Variants in FTO observed in about 807,000 individuals in gnomAD.
FTO encodes FTO alpha-ketoglutarate dependent dioxygenase, also known as alpha-ketoglutarate-dependent dioxygenase FTO.
A neutral mutation model predicts 63.9 loss-of-function variants in FTO; 47 were observed. The observed-to-expected ratio is 0.74, with a 90% CI of 0.58 to 0.94. The LOEUF (loss-of-function observed/expected upper bound fraction) is 0.94. Among genes scored for constraint, FTO ranks in the 40% least tolerant of loss-of-function variants. FTO has a pLI of 0.00. For missense variants in FTO, 562 were observed against 618.1 expected, an observed-to-expected ratio of 0.91 and a Z score of 0.96; for synonymous variants, 207 against 224.4, an observed-to-expected ratio of 0.92 and a Z score of 0.69.
At chr16:53,915,250 G>A (rs1203993967) in intron 7 of FTO, among the ~76,000 whole-genome samples, 1 of 152,148 alleles carries the variant, frequency 6.6e-6, no homozygotes, top group Non-Finnish European at 1.5e-5. Context: ...TCTCTGAAGT[G>A]ATCCCTTCTT....
chr16:54,032,017 G>A (rs2084843594), intron 8 of FTO, among the ~76,000 whole-genome samples: 3 of 152,106 alleles, frequency 2.0e-5, no homozygotes, highest in African/African-American at 4.8e-5. Context: ...ACCAATATAT[G>A]GGAGGCATCA....
At position 54,085,999 on chromosome 16, in the gene FTO, C is replaced by T. The variant is rs541739991; in HGVS notation, c.1365-25763C>T. On this transcript the variant is annotated intron_variant, in intron 8 of 8. Coordinates refer to ENST00000471389, the MANE Select transcript of FTO (RefSeq NM_001080432.3). ...CAGTTATATTCCCCAGTACCAAGAACGCAGGAGGACTACTTTAATCCCCTT... is the reference window on the plus strand; with the variant it reads ...CAGTTATATTCCCCAGTACCAAGAATGCAGGAGGACTACTTTAATCCCCTT... Among the ~76,000 whole-genome samples the T allele has an allele frequency of 4.6e-5, 7 of 152,264 alleles. No individual in the cohort carries two copies. The South Asian group carries it at 6.2e-4, about 14-fold the overall frequency.
At chr16:53,973,433 C>G (rs1428470021) in intron 8 of FTO, among the ~76,000 whole-genome samples, 2 of 152,216 alleles carry the variant, frequency 1.3e-5, no homozygotes, top group African/African-American at 4.8e-5. Context: ...GGTGAAGTCA[C>G]AGACTTAATT....
intron 6 of FTO, among the ~76,000 whole-genome samples, chr16:53,881,502 C>A (rs73607667): frequency 6.6e-6 from 1 of 152,256 alleles, no homozygotes; most frequent in East Asian, 1.9e-4. Flanking sequence ...TCACAAGACA[C>A]GCAGAAGCAC....
intron 8 of FTO, among the ~76,000 whole-genome samples, chr16:54,049,826 T>C (rs1391235661): frequency 2.0e-5 from 3 of 152,194 alleles, no homozygotes; most frequent in African/African-American, 7.2e-5. Context: ...ATCCAAGATA[T>C]GGGTGTTTTC....
At chr16:53,914,033 G>A (rs954225248) in intron 7 of FTO, among the ~76,000 whole-genome samples, 3 of 150,646 alleles carry the variant, frequency 2.0e-5, no homozygotes, top group Admixed American at 6.6e-5. Flanking sequence ...ACAGTCCCTC[G>A]GCCTTCTCGC....
chr16:53,990,969 CTG>C (rs2083797038), intron 8 of FTO: 1 of 152,142 alleles, frequency 6.6e-6, no homozygotes, highest in South Asian at 2.1e-4. Context: ...TTTCTAATGA[CTG>C]AGTATAGGTT....
At chr16:53,740,991 A>T (rs8052000) in intron 1 of FTO, among the ~76,000 whole-genome samples, 46,023 of 151,860 alleles carry the variant, frequency 0.3, 8,472 homozygotes, top group African/African-American at 0.52. Flanking sequence ...CTTGTTTTTT[A>T]ATCGACCTTG....
intron 8 of FTO, among the ~76,000 whole-genome samples, chr16:54,104,989 A>G (rs1387077752): frequency 1.3e-5 from 2 of 152,356 alleles, no homozygotes; most frequent in African/African-American, 4.8e-5. Flanking sequence ...TTTATATGGT[A>G]GTTTACATAT....
At chr16:53,997,423 T>A (rs1212952119) in intron 8 of FTO, among the ~76,000 whole-genome samples, 17 of 152,028 alleles carry the variant, frequency 1.1e-4, no homozygotes, top group African/African-American at 4.1e-4. Flanking sequence ...TGGGGTACTA[T>A]CGGAGATCAG....
intron 7 of FTO, among the ~76,000 whole-genome samples, chr16:53,906,980 C>T (rs1215623018): frequency 6.6e-6 from 1 of 152,168 alleles, no homozygotes; most frequent in Non-Finnish European, 1.5e-5. Context: ...TACCAGCCTT[C>T]CTCTGGGCTA....
At position 53,950,155 on chromosome 16, in the gene FTO, T is replaced by TAAAAAAAAAAAAAAAAAAAAA. The variant is rs57925273; in HGVS notation, c.1364+16050_1364+16070dup. ...GGAAAAAAAAAGATATTCACATTTG[T>TAAAAAAAAAAAAAAAAAAAAA]AAAAAAAAAAAAAAAAAAAAAAAAC... On this transcript the variant is annotated intron_variant, in intron 8 of 8. Coordinates refer to ENST00000471389, the MANE Select transcript of FTO (RefSeq NM_001080432.3). Among the ~76,000 whole-genome samples the TAAAAAAAAAAAAAAAAAAAAA allele has an allele frequency of 3.0e-3, 154 of 50,588 alleles. 9 individuals are homozygous for TAAAAAAAAAAAAAAAAAAAAA. The highest frequency in any genetic ancestry group is 5.3e-3 in the Non-Finnish European group (120 of 22,548). The allele number at this position is 50,588 out of a possible 152,430, so 33.2% of individuals were successfully genotyped here. A position where few individuals can be genotyped will look rare whatever the true frequency, so the allele number is the denominator to read the frequency against.
intron 7 of FTO, among the ~76,000 whole-genome samples, chr16:53,905,804 T>A (rs2081522520): frequency 6.6e-6 from 1 of 152,160 alleles, no homozygotes; most frequent in Non-Finnish European, 1.5e-5. Flanking sequence ...ACACAACACA[T>A]ATTGGATGAA....
rs137869641 is a variant in FTO, at chr16:54,080,243, A to G, written c.1365-31519A>G. Among the ~76,000 whole-genome samples, 21 of 152,288 alleles carry G rather than the reference A, an allele frequency of 1.4e-4. No individual in the cohort carries two copies. The East Asian group carries it at 2.5e-3, about 18-fold the overall frequency. On this transcript the variant is annotated intron_variant, in intron 8 of 8. Coordinates refer to ENST00000471389, the MANE Select transcript of FTO (RefSeq NM_001080432.3). ...CTCTAAAAAAAGCAAAGAAAAGTAG[A>G]AGCATTCCTGAATATTACAGACAGT...
chr16:53,796,384 T>C (rs2078072480), intron 1 of FTO, among the ~76,000 whole-genome samples: 1 of 152,144 alleles, frequency 6.6e-6, no homozygotes, highest in Non-Finnish European at 1.5e-5. Context: ...AAGGTGGGCA[T>C]AGAGATTGAT....
At chr16:53,990,655 T>TTTTTCTTTTA (rs2083786774) in intron 8 of FTO, among the ~76,000 whole-genome samples, 3 of 144,538 alleles carry the variant, frequency 2.1e-5, no homozygotes, top group Admixed American at 1.4e-4. Flanking sequence ...TTTCCTTTTC[T>TTTTTCTTTTA]TTTTATTTTA....
At chr16:54,032,828 G>A (rs144198156) in intron 8 of FTO, among the ~76,000 whole-genome samples, 3 of 152,186 alleles carry the variant, frequency 2.0e-5, no homozygotes, top group Admixed American at 6.5e-5. Context: ...TCATGGCTTG[G>A]TGCTGTCCAT....
intron 5 of FTO, among the ~76,000 whole-genome samples, 189 bp from the exon 6 acceptor site, chr16:53,879,655 C>T (rs1237755165): frequency 1.4e-5 from 2 of 147,698 alleles, no homozygotes; most frequent in African/African-American, 2.5e-5. Flanking sequence ...CACTATACTC[C>T]AGCTTGGGTG....
intron 1 of FTO, among the ~76,000 whole-genome samples, chr16:53,795,271 A>C (rs188106142): frequency 2.6e-5 from 4 of 152,378 alleles, no homozygotes; most frequent in Admixed American, 2.6e-4. Flanking sequence ...AGAATGTATC[A>C]TAAAGAGACA....
Sources: allele counts gnomAD v4.1 joint callset (sites outside exome capture counted in the v4.1 genomes callset), GRCh38; gene constraint gnomAD v4.1.1; transcripts MANE v1.5; gene names NCBI Gene and HGNC (gene_info 2026-07-23, HGNC 2026-07-21).